SNX25: variants seen among roughly 807,000 people sequenced by gnomAD.
The protein encoded by SNX25 is sorting nexin 25.
Under a neutral mutation model 113.7 loss-of-function variants are expected in SNX25, and 62 were observed. The observed-to-expected ratio is 0.55, with a 90% CI of 0.44 to 0.67. SNX25 has a LOEUF of 0.67. Among genes scored for constraint, SNX25 ranks in the 30% least tolerant of loss-of-function variants. The pLI, the probability that SNX25 is intolerant of heterozygous loss-of-function variation, is 0.00. For missense variants in SNX25, 1,014 were observed against 1,161.0 expected, an observed-to-expected ratio of 0.87 and a Z score of 1.84; for synonymous variants, 421 against 436.2, an observed-to-expected ratio of 0.97 and a Z score of 0.43.
In SNX25 at chr4:185,339,467, G is replaced by A. The variant is rs772117099; in HGVS notation, c.2003G>A (p.Cys668Tyr). The A allele has an allele frequency of 1.9e-6, 3 of 1,613,976 alleles. No individual in the cohort carries two copies. Among genetic ancestry groups the A allele is most frequent in the Non-Finnish European group, 2.5e-6 (3 of 1,179,958 alleles). The change falls in exon 11 of 19, where the codon TGT becomes TAT. Residue 668 changes from cysteine to tyrosine, a missense_variant. Cys to Tyr is a radical substitution (Grantham distance 194). Coordinates refer to ENST00000652585, the MANE Select transcript of SNX25 (RefSeq NM_001378034.2). Reference protein sequence around the residue: ...QLHMARTDWWCENLGMWKASI... With the variant: ...QLHMARTDWWYENLGMWKASI... ...CACATGGCAAGAACGGATTGGTGGT[G>A]TGAAAACCTTGGCATGTGGAAAGCC...
At chr4:185,301,300 C>A (rs1370349992) in intron 6 of SNX25, among the ~76,000 whole-genome samples, 1 of 152,206 alleles carries the variant, frequency 6.6e-6, no homozygotes, top group African/African-American at 2.4e-5. Context: ...GGGTGACACA[C>A]CCAGGGAGGG....
At chr4:185,264,338 T>C in intron 3 of SNX25, 100 bp from the exon 4 acceptor site, 4 of 1,156,874 alleles carry the variant, frequency 3.5e-6, no homozygotes, top group Non-Finnish European at 4.9e-6. Flanking sequence ...GCAGTTACTA[T>C]AACCAATGTG....
intron 2 of SNX25, among the ~76,000 whole-genome samples, chr4:185,256,925 A>G (rs1746528125): frequency 6.6e-6 from 1 of 151,998 alleles, no homozygotes; most frequent in Non-Finnish European, 1.5e-5. Flanking sequence ...TGCCCAGCCA[A>G]TTTATTATCC....
At chr4:185,342,688 G>C (rs541065755) in intron 12 of SNX25, among the ~76,000 whole-genome samples, 2 of 148,482 alleles carry the variant, frequency 1.3e-5, no homozygotes, top group African/African-American at 5.0e-5. Context: ...GCATTAAGGC[G>C]CGGTGCTTGG....
intron 13 of SNX25, among the ~76,000 whole-genome samples, chr4:185,350,717 C>G (rs1013419565): frequency 3.3e-5 from 5 of 152,118 alleles, no homozygotes; most frequent in African/African-American, 1.2e-4. Context: ...CGAAAATTAG[C>G]CAGTCATGAT....
chr4:185,347,178 G>T lies in SNX25; in HGVS notation c.2301+528G>T, dbSNP rs1190872951. 2.0e-5 allele frequency among the ~76,000 whole-genome samples: 3 copies of T among 152,192 alleles called. 1 individual carries two copies. The East Asian group carries it at 5.8e-4, about 29-fold the overall frequency. ...TCCAAATTCATTCCGTTGTTGATGA[G>T]CCTTTGGCTCCTTTCCACTCTGAGG... On this transcript the variant is annotated intron_variant, in intron 13 of 18. Coordinates refer to ENST00000652585, the MANE Select transcript of SNX25 (RefSeq NM_001378034.2).
rs545406758 is a variant in SNX25 at position 185,361,527 on chromosome 4, C to T, written c.2652-397C>T. ...CTGAGGCGGGTGGATCACCTGAGTTCAGGAGTTTGAGACCAGCCTGGCCAA... is the reference window on the plus strand; with the variant it reads ...CTGAGGCGGGTGGATCACCTGAGTTTAGGAGTTTGAGACCAGCCTGGCCAA... On this transcript the variant is annotated intron_variant, in intron 16 of 18. Coordinates refer to ENST00000652585, the MANE Select transcript of SNX25 (RefSeq NM_001378034.2). Among the ~76,000 whole-genome samples the T allele has an allele frequency of 7.2e-5, 11 of 152,252 alleles. No individual in the cohort carries two copies. The East Asian group carries it at 1.2e-3, about 16-fold the overall frequency.
chr4:185,297,747 A>G (rs13109431), intron 6 of SNX25, among the ~76,000 whole-genome samples: 50,922 of 151,904 alleles, frequency 0.34, 9,298 homozygotes, highest in East Asian at 0.5. Context: ...GAGTGGGGAG[A>G]AGGAGAATTC....
intron 6 of SNX25, among the ~76,000 whole-genome samples, chr4:185,296,518 T>C (rs1046650775): frequency 2.0e-5 from 3 of 152,292 alleles, no homozygotes; most frequent in African/African-American, 7.2e-5. Context: ...CTTTTTCTTT[T>C]GGAATTTTGG....
chr4:185,209,854 G>A lies in SNX25; in HGVS notation c.28G>A (p.Gly10Ser), dbSNP rs905257552. 3.8e-5 allele frequency: 37 copies of A among 983,366 alleles called. No individual in the cohort carries two copies. The highest frequency in any genetic ancestry group is 4.5e-5 in the Non-Finnish European group (37 of 829,222). The allele number at this position is 983,366 out of a possible 1,614,324, so 60.9% of individuals were successfully genotyped here. Residue 10 changes from glycine (G) to serine (S), a missense_variant, in exon 1 of 19, where the codon GGC becomes AGC. By Grantham distance (56) the Gly-to-Ser change is moderately conservative (BLOSUM62 0). Transcript: ENST00000652585. The surrounding 1 kb of genome is among the most constrained non-coding windows in gnomAD (Gnocchi z 5.2). MHPDATDSG[G>S]AGPSPARAAG... The stretch of plus-strand genomic sequence containing the variant: ...GCACCCCGATGCGACCGACAGTGGC[G>A]GCGCCGGCCCCAGCCCCGCGCGGGC...
chr4:185,273,457 T>A (rs1749232868), intron 5 of SNX25, among the ~76,000 whole-genome samples: 1 of 152,202 alleles, frequency 6.6e-6, no homozygotes, highest in South Asian at 2.1e-4. Flanking sequence ...TTGATGTATG[T>A]ACACATTGTG....
intron 7 of SNX25, among the ~76,000 whole-genome samples, chr4:185,316,675 C>T (rs565949576): frequency 6.6e-6 from 1 of 152,320 alleles, no homozygotes; most frequent in South Asian, 2.1e-4. Flanking sequence ...TATCAGTTTA[C>T]TTATTTGACC....
intron 6 of SNX25, 74 bp from the exon 7 acceptor site, chr4:185,310,561 G>A (rs1404514555): frequency 2.1e-6 from 3 of 1,398,084 alleles, no homozygotes; most frequent in Non-Finnish European, 2.9e-6. Flanking sequence ...AGCAGACACT[G>A]ATCTGGTTCT....
At chr4:185,237,691 T>C (rs904106223) in intron 1 of SNX25, among the ~76,000 whole-genome samples, 1 of 151,118 alleles carries the variant, frequency 6.6e-6, no homozygotes, top group Non-Finnish European at 1.5e-5. Flanking sequence ...GCCTGCAGAG[T>C]TTGTAATAAC....
intron 1 of SNX25, among the ~76,000 whole-genome samples, chr4:185,229,938 C>G (rs1345665738): frequency 6.6e-6 from 1 of 152,150 alleles, no homozygotes; most frequent in Non-Finnish European, 1.5e-5. Context: ...AGGTGATCCT[C>G]CCACCTCAGC....
At chr4:185,219,335 G>A (rs1348705667) in intron 1 of SNX25, among the ~76,000 whole-genome samples, 2 of 152,130 alleles carry the variant, frequency 1.3e-5, no homozygotes, top group African/African-American at 4.8e-5. Context: ...TGAGGCAGGC[G>A]GATCACAAGG....
chr4:185,349,379 T>C (rs545646702), intron 13 of SNX25, among the ~76,000 whole-genome samples: 100 of 152,338 alleles, frequency 6.6e-4, no homozygotes, highest in African/African-American at 2.3e-3. Context: ...TAAATGGGAA[T>C]GCAGATATAT....
At chr4:185,340,299 A>G (rs1299409368) in intron 11 of SNX25, among the ~76,000 whole-genome samples, 1 of 152,164 alleles carries the variant, frequency 6.6e-6, no homozygotes, top group Non-Finnish European at 1.5e-5. Flanking sequence ...GGAGAGGGTC[A>G]AAATTCACGA....
chr4:185,247,471 T>C, intron 2 of SNX25, 93 bp downstream of exon 2: 3 of 965,010 alleles, frequency 3.1e-6, no homozygotes, highest in Non-Finnish European at 4.9e-6. Flanking sequence ...TTATTCTTCT[T>C]GTCTGCATGT....
Sources: gnomAD v4.1 joint callset for allele counts (sites outside exome capture counted in the v4.1 genomes callset) on GRCh38, gnomAD v4.1.1 for gene constraint, Gnocchi (gnomAD v3.1) non-coding constraint, MANE v1.5 for transcripts, NCBI Gene and HGNC (gene_info 2026-07-23, HGNC 2026-07-21) for gene names.